Variants in TTLL8 observed in about 807,000 individuals in gnomAD.
TTLL8 encodes protein monoglycylase TTLL8.
TTLL8 carries 65 observed loss-of-function variants against 77.8 expected under a neutral mutation model. That is an observed-to-expected ratio of 0.84 (90% CI 0.68 to 1.03). TTLL8 has a LOEUF of 1.03. Among genes scored for constraint, TTLL8 ranks in the 50% least tolerant of loss-of-function variants. The pLI, the probability that TTLL8 is intolerant of heterozygous loss-of-function variation, is 0.00. For synonymous variants in TTLL8, 402 were observed against 422.8 expected, an observed-to-expected ratio of 0.95 and a Z score of 0.60; for missense variants, 910 against 1,004.5, an observed-to-expected ratio of 0.91 and a Z score of 1.27.
At chr22:50,043,142 A>G (rs200590882) in intron 6 of TTLL8, among the ~76,000 whole-genome samples, 532 of 127,140 alleles carry the variant, frequency 4.2e-3, no homozygotes, top group Middle Eastern at 0.04. Flanking sequence ...GACGTCCTTC[A>G]GTAGATGGAT....
chr22:50,034,626 C>G lies in TTLL8; in HGVS notation c.922-164G>C. 1.6e-6 allele frequency: 1 copy of G among 633,358 alleles called. No homozygotes were observed. Among genetic ancestry groups the G allele is most frequent in the South Asian group, 1.8e-5 (1 of 54,478 alleles). The allele number at this position is 633,358 out of a possible 1,614,324, so 39.2% of individuals were successfully genotyped here. A position where few individuals can be genotyped will look rare whatever the true frequency, so the allele number is the denominator to read the frequency against. ...GGCCTGGCGGGAAAGGGCTGCGGGT[C>G]GGCCCAGGAAGTTCTCCCAACAGTA... On this transcript the variant is annotated intron_variant, in intron 8 of 13. Coordinates refer to ENST00000266182, the Ensembl canonical transcript of TTLL8. The surrounding 1 kb of genome is among the most constrained non-coding windows in gnomAD (Gnocchi z 4.1).
chr22:50,021,075 A>G (rs1278704424), intron 12 of TTLL8, among the ~76,000 whole-genome samples: 1 of 135,970 alleles, frequency 7.4e-6, no homozygotes, highest in East Asian at 2.3e-4. Flanking sequence ...GCACTCCTCC[A>G]TCTGATGATG....
At chr22:50,023,962 A>G (rs2061218366) in intron 12 of TTLL8, among the ~76,000 whole-genome samples, 2 of 151,666 alleles carry the variant, frequency 1.3e-5, no homozygotes, top group Non-Finnish European at 2.9e-5. Context: ...AGAGGTTGCA[A>G]TGAGCTGAGA....
upstream of TTLL8, among the ~76,000 whole-genome samples, chr22:50,055,832 G>A (rs1157222095): frequency 6.6e-6 from 1 of 152,156 alleles, no homozygotes; most frequent in African/African-American, 2.4e-5. Flanking sequence ...TCAGCGGTGT[G>A]TGAACCAGAG....
At chr22:50,030,884 G>C in exon 12 of TTLL8, 1 of 1,324,728 alleles carries the variant, frequency 7.5e-7, no homozygotes, top group Middle Eastern at 2.1e-4. Flanking sequence ...CGCCCGCCAC[G>C]CAGAGGTCGG....
rs542767911 is a variant in TTLL8, at chr22:50,024,492, A to G, written c.2203+5938T>C. On this transcript the variant is annotated intron_variant, in intron 12 of 13. Transcript: ENST00000266182. ...TAAATAGATTGTTGAAACAGCATAA[A>G]TAATCCAGAATTCCTTCAAGAGAGT... Among the ~76,000 whole-genome samples, 16 of 152,322 alleles carry G rather than the reference A, an allele frequency of 1.1e-4. No individual in the cohort carries two copies. In the East Asian group the frequency reaches 1.9e-3, roughly 18 times the overall value.
upstream of TTLL8, among the ~76,000 whole-genome samples, chr22:50,054,896 T>C (rs531780081): frequency 7.9e-5 from 12 of 151,766 alleles, no homozygotes; most frequent in South Asian, 1.9e-3. Context: ...CCATCTCTAC[T>C]AAAAAATACA....
chr22:50,030,399 C>G, intron 12 of TTLL8, 31 bp downstream of exon 13: 1 of 1,289,480 alleles, frequency 7.8e-7, no homozygotes, highest in Non-Finnish European at 1.0e-6. Flanking sequence ...GGCCCCCAAG[C>G]CCACAGCGCA....
intron 8 of TTLL8, among the ~76,000 whole-genome samples, chr22:50,037,212 T>C (rs984965386): frequency 3.3e-5 from 5 of 152,042 alleles, no homozygotes; most frequent in African/African-American, 9.7e-5. Context: ...TTTTAACTTT[T>C]TTTTTTTTTT....
upstream of TTLL8, among the ~76,000 whole-genome samples, chr22:50,055,819 G>C (rs1460259776): frequency 9.2e-5 from 14 of 152,272 alleles, no homozygotes; most frequent in East Asian, 2.5e-3. Flanking sequence ...GGTGGTAGAC[G>C]TGTCAGCGGT....
At position 50,030,420 on chromosome 22, in the gene TTLL8, C is replaced by T; in HGVS notation, c.2203+10G>A. The T allele has an allele frequency of 2.3e-6, 3 of 1,312,732 alleles. No individual in the cohort carries two copies. Among genetic ancestry groups the T allele is most frequent in the Non-Finnish European group, 3.0e-6 (3 of 1,005,170 alleles). The allele number at this position is 1,312,732 out of a possible 1,614,324, so 81.3% of individuals were successfully genotyped here. ...CAAGCCCACAGCGCACCGCCGGCGG[C>T]GCAGGTTACCTTTTCCTCCGGGCGG... is the stretch of plus-strand genomic sequence containing the variant. On this transcript the variant is annotated intron_variant, in intron 12 of 13. Coordinates refer to ENST00000266182, the Ensembl canonical transcript of TTLL8.
intron 12 of TTLL8, among the ~76,000 whole-genome samples, chr22:50,023,205 C>T (rs1005598587): frequency 6.6e-6 from 1 of 151,874 alleles, no homozygotes; most frequent in African/African-American, 2.4e-5. Context: ...CATCAAATAC[C>T]TAGGAATAAA....
Position 50,041,770 on chromosome 22 carries a change from C to T in TTLL8, c.681G>A (p.Pro227=), listed in dbSNP as rs374037488. ...TGCACGCGATGTCCACAAGCTGCCC[C>T]GGGAGGCCCCTGAGCTTTGCCTCAG... The change falls in exon 7 of 14, where the codon CCG becomes CCA. Residue 227 remains proline, a synonymous_variant. Coordinates refer to ENST00000266182, the Ensembl canonical transcript of TTLL8. This position sits in a 1 kb window ranked among gnomAD's most constrained non-coding sequence, Gnocchi z 4.3. 29 of 1,363,956 alleles carry T rather than the reference C, an allele frequency of 2.1e-5. No individual in the cohort carries two copies. The highest frequency in any genetic ancestry group is 4.4e-5 in the African/African-American group (3 of 67,678). 84.5% of individuals were successfully genotyped at this position (1,363,956 alleles called of 1,614,324 possible). A position where few individuals can be genotyped will look rare whatever the true frequency, so the allele number is the denominator to read the frequency against.
Position 50,041,262 on chromosome 22 carries a change from A to C in TTLL8, c.846T>G (p.Ser282Arg). Reference sequence around the variant, plus strand: ...TTTTGAAGATGCACAAGACAATGCTACTCCCCAAAGGCACCCTGAGGGGGT... The same window carrying C: ...TTTTGAAGATGCACAAGACAATGCTCCTCCCCAAAGGCACCCTGAGGGGGT... The change falls in exon 8 of 14, where the codon AGT becomes AGG. Residue 282 changes from serine to arginine, a missense_variant. Physicochemically the swap from Ser to Arg is moderately radical, Grantham distance 110. Coordinates refer to ENST00000266182, the Ensembl canonical transcript of TTLL8. This position sits in a 1 kb window ranked among gnomAD's most constrained non-coding sequence, Gnocchi z 4.3. 1 of 502,964 alleles carries C rather than the reference A, an allele frequency of 2.0e-6. No homozygotes were observed. The allele number at this position is 502,964 out of a possible 1,614,324, so 31.2% of individuals were successfully genotyped here. A position where few individuals can be genotyped will look rare whatever the true frequency, so the allele number is the denominator to read the frequency against.
At chr22:50,039,574 T>G (rs1380070481) in intron 8 of TTLL8, among the ~76,000 whole-genome samples, 1 of 152,198 alleles carries the variant, frequency 6.6e-6, no homozygotes, top group Non-Finnish European at 1.5e-5. Context: ...AGACAGAGAA[T>G]ATCTTAAAGC....
At position 50,030,812 on chromosome 22, in the gene TTLL8, C is replaced by T. The variant is rs754518013; in HGVS notation, c.1821G>A (p.Ser607=). 4.5e-6 allele frequency: 6 copies of T among 1,348,172 alleles called. No homozygotes were observed. The South Asian group carries it at 7.1e-5, about 16-fold the overall frequency. 83.5% of individuals were successfully genotyped at this position (1,348,172 alleles called of 1,614,324 possible). A position where few individuals can be genotyped will look rare whatever the true frequency, so the allele number is the denominator to read the frequency against. ...CCTTCAGCGGCTGCGCGTCCAACAG[C>T]GAGGCCGAGGCCTTGAGGTTGCAGA... Residue 607 remains serine, a synonymous_variant, in exon 12 of 14, where the codon TCG becomes TCA. Transcript: ENST00000266182.
chr22:50,056,520 C>T (rs530071465), upstream of TTLL8, among the ~76,000 whole-genome samples: 11 of 152,282 alleles, frequency 7.2e-5, no homozygotes, highest in East Asian at 1.7e-3. The surrounding 1 kb of genome is among the most constrained non-coding windows in gnomAD (Gnocchi z 4.1). Flanking sequence ...CATTTACCCA[C>T]GCAACGAAGA....
intron 6 of TTLL8, among the ~76,000 whole-genome samples, chr22:50,043,400 T>C (rs199903404): frequency 2.8e-5 from 1 of 36,182 alleles, no homozygotes; most frequent in Admixed American, 2.5e-4. Context: ...TGCCGAGACG[T>C]CCTTCGGTAG....
intron 12 of TTLL8, among the ~76,000 whole-genome samples, chr22:50,029,397 A>C (rs9617054): frequency 2.2e-5 from 1 of 45,982 alleles, no homozygotes; most frequent in Non-Finnish European, 4.7e-5. Context: ...CCATCACACC[A>C]TCCTGAAGAC....
Sources: gnomAD v4.1 joint callset for allele counts (sites outside exome capture counted in the v4.1 genomes callset) on GRCh38, gnomAD v4.1.1 for gene constraint, Gnocchi (gnomAD v3.1) non-coding constraint, MANE v1.5 for transcripts, NCBI Gene and HGNC (gene_info 2026-07-23, HGNC 2026-07-21) for gene names.